SHANK2: variants seen among roughly 807,000 people sequenced by gnomAD.
The protein encoded by SHANK2 is SH3 and multiple ankyrin repeat domains 2.
A neutral mutation model predicts 133.7 loss-of-function variants in SHANK2; 43 were observed. The ratio of observed to expected loss-of-function variants is 0.32; its 90% CI spans 0.25 to 0.41. The LOEUF (loss-of-function observed/expected upper bound fraction) is 0.41, where lower values mean the gene tolerates loss of function less well. Ranked by LOEUF, SHANK2 falls within the 10% of genes least tolerant of loss-of-function variation. The pLI, the probability that SHANK2 is intolerant of heterozygous loss-of-function variation, is 1.00. For missense variants in SHANK2, 1,994 were observed against 2,235.8 expected (o/e 0.89, Z 2.18); for synonymous variants, 1,017 against 952.8 (o/e 1.07, Z -1.24).
intron 15 of SHANK2, among the ~76,000 whole-genome samples, chr11:70,687,423 G>T (rs1945179662): frequency 6.6e-6 from 1 of 152,232 alleles, no homozygotes; most frequent in African/African-American, 2.4e-5. Flanking sequence ...CTGGCTCTTA[G>T]GAGCTGCCAG....
Position 71,136,954 on chromosome 11 carries a change from G to A in SHANK2, c.207+10166C>T, listed in dbSNP as rs1398497962. Among the ~76,000 whole-genome samples, 7 of 152,206 alleles carry A rather than the reference G, an allele frequency of 4.6e-5. No homozygotes were observed. In the South Asian group the frequency reaches 1.5e-3, roughly 32 times the overall value. On this transcript the variant is annotated intron_variant, in intron 3 of 25. Transcript: ENST00000601538. ...CTCCACTCACTGCAACCTCCACCTC[G>A]CAGGTTCAAGGGATTCTCCTGCCTC...
At chr11:70,867,131 AAAAGAG>A (rs1565371078) in intron 11 of SHANK2, among the ~76,000 whole-genome samples, 1 of 151,648 alleles carries the variant, frequency 6.6e-6, no homozygotes. Context: ...AAAAAAAAAA[AAAAGAG>A]AGAGAGAATG....
chr11:70,624,532 CAAAA>C (rs71049929), intron 17 of SHANK2, among the ~76,000 whole-genome samples: 3 of 138,266 alleles, frequency 2.2e-5, no homozygotes, highest in African/African-American at 8.2e-5. Context: ...CAACCTTCTT[CAAAA>C]AAAAAAAAAA....
At chr11:70,811,154 AG>A (rs1948269526) in intron 12 of SHANK2, among the ~76,000 whole-genome samples, 1 of 152,150 alleles carries the variant, frequency 6.6e-6, no homozygotes, top group African/African-American at 2.4e-5. Context: ...CCGAGGGGAA[AG>A]GGTGGGTCAA....
intron 2 of SHANK2, among the ~76,000 whole-genome samples, chr11:71,184,730 T>C (rs782709914): frequency 6.6e-6 from 1 of 152,306 alleles, no homozygotes; most frequent in South Asian, 2.1e-4. Context: ...ACGTCCTTCT[T>C]TGGGGCCACA....
intron 14 of SHANK2, among the ~76,000 whole-genome samples, chr11:70,711,141 G>A (rs1336249003): frequency 6.6e-6 from 1 of 152,162 alleles, no homozygotes. Context: ...CACAGCAGTG[G>A]GCTCTGGGGC....
chr11:70,752,289 G>A (rs990309881), intron 14 of SHANK2, among the ~76,000 whole-genome samples: 1 of 151,962 alleles, frequency 6.6e-6, no homozygotes, highest in Non-Finnish European at 1.5e-5. Flanking sequence ...ACATAGGGAG[G>A]TTAAAAACAA....
At chr11:70,735,466 G>A (rs193253534) in intron 14 of SHANK2, among the ~76,000 whole-genome samples, 211 of 152,256 alleles carry the variant, frequency 1.4e-3, no homozygotes, top group South Asian at 6.8e-3. Flanking sequence ...AGCACTTTGC[G>A]ATGCTGAGAC....
At chr11:71,097,876 CTGTGTGCCTG>C (rs1951647232) in intron 6 of SHANK2, among the ~76,000 whole-genome samples, 1 of 152,124 alleles carries the variant, frequency 6.6e-6, no homozygotes, top group Admixed American at 6.5e-5. Flanking sequence ...ATGTGCATGC[CTGTGTGCCTG>C]TGTGTGCATG....
At chr11:70,558,416 C>T (rs1421410461) in intron 17 of SHANK2, among the ~76,000 whole-genome samples, 6 of 152,368 alleles carry the variant, frequency 3.9e-5, no homozygotes, top group African/African-American at 1.4e-4. Context: ...TGCCTGTCAC[C>T]GCCACAGAGC....
At chr11:71,208,056 TA>T (rs1274967577) in intron 2 of SHANK2, among the ~76,000 whole-genome samples, 2 of 152,002 alleles carry the variant, frequency 1.3e-5, no homozygotes, top group Non-Finnish European at 2.9e-5. Flanking sequence ...TTAAGACACC[TA>T]AAACCCACAC....
At chr11:70,711,225 C>G (rs1945774854) in intron 14 of SHANK2, among the ~76,000 whole-genome samples, 1 of 152,208 alleles carries the variant, frequency 6.6e-6, no homozygotes, top group Admixed American at 6.5e-5. Context: ...AGCCTTGAGT[C>G]CGCTCTGGCC....
At chr11:71,196,899 G>A (rs1445959119) in intron 2 of SHANK2, among the ~76,000 whole-genome samples, 1 of 150,816 alleles carries the variant, frequency 6.6e-6, no homozygotes, top group Non-Finnish European at 1.5e-5. Context: ...TCAGGAGGCT[G>A]AGGCATGAGA....
chr11:70,874,945 C>G (rs1949532974), intron 11 of SHANK2, among the ~76,000 whole-genome samples: 1 of 152,202 alleles, frequency 6.6e-6, no homozygotes, highest in South Asian at 2.1e-4. Context: ...TAAGCCCACT[C>G]ATGCCTGAGA....
chr11:71,094,355 C>T (rs1208619487), intron 7 of SHANK2, among the ~76,000 whole-genome samples, 182 bp downstream of exon 7: 1 of 152,002 alleles, frequency 6.6e-6, no homozygotes, highest in African/African-American at 2.4e-5. Flanking sequence ...GGAGAGAGAA[C>T]AGGAAAATCT....
intron 11 of SHANK2, among the ~76,000 whole-genome samples, chr11:70,838,268 T>C (rs1429826501): frequency 6.6e-5 from 10 of 152,180 alleles, no homozygotes; most frequent in Non-Finnish European, 1.3e-4. Flanking sequence ...CTGGTTATCT[T>C]AGGTCCTTGT....
At chr11:71,097,720 G>A (rs1275347871) in intron 6 of SHANK2, among the ~76,000 whole-genome samples, 2 of 152,162 alleles carry the variant, frequency 1.3e-5, no homozygotes, top group East Asian at 3.9e-4. Context: ...TGTTTGTCCT[G>A]ACACTGGGAG....
intron 2 of SHANK2, chr11:71,174,568 T>A (rs1953385355): frequency 6.6e-6 from 1 of 150,514 alleles, no homozygotes; most frequent in African/African-American, 2.5e-5. Flanking sequence ...TTATCCCAGC[T>A]ACTTGGGAGG....
intron 15 of SHANK2, among the ~76,000 whole-genome samples, chr11:70,671,137 C>G (rs2094423535): frequency 6.6e-6 from 1 of 152,170 alleles, no homozygotes; most frequent in Non-Finnish European, 1.5e-5. Flanking sequence ...ATAAATCACC[C>G]ACAAGCATTT....
Sources: allele counts gnomAD v4.1 joint callset (sites outside exome capture counted in the v4.1 genomes callset), GRCh38; gene constraint gnomAD v4.1.1; transcripts MANE v1.5; gene names NCBI Gene and HGNC (gene_info 2026-07-23, HGNC 2026-07-21).